CTNNA3: variants seen among roughly 807,000 people sequenced by gnomAD.
The protein encoded by CTNNA3 is catenin alpha 3, also known as catenin alpha-3.
CTNNA3 carries 76 observed loss-of-function variants against 95.7 expected under a neutral mutation model. The ratio of observed to expected loss-of-function variants is 0.79; its 90% CI spans 0.66 to 0.96. CTNNA3 has a LOEUF of 0.96. Among genes scored for constraint, CTNNA3 ranks in the 40% least tolerant of loss-of-function variants. CTNNA3 has a pLI of 0.00. For missense variants in CTNNA3, 1,191 were observed against 1,089.8 expected, an observed-to-expected ratio of 1.09 and a Z score of -1.31; for synonymous variants, 431 against 374.4, an observed-to-expected ratio of 1.15 and a Z score of -1.74.
At chr10:66,090,264 C>G (rs192915899) in intron 14 of CTNNA3, among the ~76,000 whole-genome samples, 1 of 152,078 alleles carries the variant, frequency 6.6e-6, no homozygotes, top group Non-Finnish European at 1.5e-5. Flanking sequence ...CAGGCTGGCT[C>G]TCCCCAGAAA....
At chr10:66,691,107 G>A (rs188069380) in intron 9 of CTNNA3, among the ~76,000 whole-genome samples, 6 of 152,176 alleles carry the variant, frequency 3.9e-5, no homozygotes, top group African/African-American at 1.2e-4. Flanking sequence ...GACAGTGGAC[G>A]CAGGACAGTG....
intron 7 of CTNNA3, among the ~76,000 whole-genome samples, chr10:67,115,419 C>T (rs1385275227): frequency 6.6e-6 from 1 of 151,772 alleles, no homozygotes; most frequent in Non-Finnish European, 1.5e-5. Context: ...AGCACACCAG[C>T]ATGGCACATG....
At chr10:67,084,949 G>C (rs966774274) in intron 7 of CTNNA3, among the ~76,000 whole-genome samples, 1 of 151,820 alleles carries the variant, frequency 6.6e-6, no homozygotes, top group Admixed American at 6.6e-5. Flanking sequence ...TTTGTGCCTT[G>C]TATGTTATAA....
At chr10:66,079,109 A>G (rs2080644986) in intron 14 of CTNNA3, 1 of 152,114 alleles carries the variant, frequency 6.6e-6, no homozygotes, top group Non-Finnish European at 1.5e-5. Context: ...TGCTTATATC[A>G]GGACACCTTC....
At chr10:67,552,702 G>T (rs1329127725) in intron 3 of CTNNA3, among the ~76,000 whole-genome samples, 1 of 151,994 alleles carries the variant, frequency 6.6e-6, no homozygotes, top group Non-Finnish European at 1.5e-5. Context: ...AGTGTGTGTT[G>T]TTCCCGCCTT....
intron 5 of CTNNA3, among the ~76,000 whole-genome samples, chr10:67,370,869 GTT>G (rs58583527): frequency 6.6e-5 from 9 of 136,276 alleles, no homozygotes; most frequent in African/African-American, 8.1e-5. Context: ...AGTTTTTTTT[GTT>G]TTTTTTTTTT....
intron 7 of CTNNA3, among the ~76,000 whole-genome samples, chr10:66,981,869 TC>T (rs1462238889): frequency 1.3e-5 from 2 of 152,158 alleles, no homozygotes; most frequent in Non-Finnish European, 2.9e-5. Context: ...TCTATAATTT[TC>T]CCACTTACTT....
chr10:66,778,214 C>A (rs1840390342), intron 7 of CTNNA3, among the ~76,000 whole-genome samples: 1 of 152,094 alleles, frequency 6.6e-6, no homozygotes, highest in South Asian at 2.1e-4. Flanking sequence ...TTTATTGGAT[C>A]CTTGCTCTAT....
chr10:67,453,131 T>G (rs1053252622), intron 5 of CTNNA3, among the ~76,000 whole-genome samples: 1 of 152,128 alleles, frequency 6.6e-6, no homozygotes, highest in African/African-American at 2.4e-5. Context: ...CCTCCACTGA[T>G]CATCAGCTTG....
Position 67,659,346 on chromosome 10 carries a change from T to C in CTNNA3, c.-5-11828A>G, listed in dbSNP as rs1329317637. ...ACCCTGACAACATACCATTTAGTTA[T>C]TTTATAACATGTCAGTTCATACTAA... On this transcript the variant is annotated intron_variant, in intron 1 of 17. Transcript: ENST00000433211. Among the ~76,000 whole-genome samples the C allele has an allele frequency of 2.0e-5, 3 of 152,330 alleles. No individual in the cohort carries two copies. The East Asian group carries it at 5.8e-4, about 29-fold the overall frequency.
chr10:66,542,555 A>C (rs1467780605), intron 10 of CTNNA3, among the ~76,000 whole-genome samples: 1 of 152,174 alleles, frequency 6.6e-6, no homozygotes, highest in Non-Finnish European at 1.5e-5. Flanking sequence ...AATACAATGC[A>C]GCCATAAAAA....
At chr10:67,124,375 G>T (rs868603771) in intron 7 of CTNNA3, among the ~76,000 whole-genome samples, 9 of 122,774 alleles carry the variant, frequency 7.3e-5, no homozygotes, top group African/African-American at 2.2e-4. Context: ...TGTGTGTGTG[G>T]TCTATAAATG....
intron 7 of CTNNA3, among the ~76,000 whole-genome samples, chr10:66,993,906 C>A (rs950427197): frequency 6.6e-6 from 1 of 152,076 alleles, no homozygotes; most frequent in Admixed American, 6.6e-5. Flanking sequence ...TCTTGTTTCT[C>A]CCAACATTTA....
intron 7 of CTNNA3, among the ~76,000 whole-genome samples, chr10:66,978,960 C>CTTTTTTTTT (rs34112681): frequency 1.2e-5 from 1 of 83,790 alleles, no homozygotes; most frequent in Non-Finnish European, 2.2e-5. Context: ...TACTTATTTC[C>CTTTTTTTTT]TTTTTTTTTT....
chr10:67,304,357 T>C (rs1466721471), intron 5 of CTNNA3, among the ~76,000 whole-genome samples: 2 of 152,232 alleles, frequency 1.3e-5, no homozygotes, highest in Non-Finnish European at 2.9e-5. Flanking sequence ...AATTATAGAC[T>C]GCTTTACCAC....
At chr10:65,937,460 T>G (rs2077359813) in intron 17 of CTNNA3, among the ~76,000 whole-genome samples, 1 of 152,166 alleles carries the variant, frequency 6.6e-6, no homozygotes, top group Admixed American at 6.5e-5. Flanking sequence ...CATGCTTCCA[T>G]GAGTAGATGT....
intron 12 of CTNNA3, among the ~76,000 whole-genome samples, chr10:66,330,137 A>T (rs2092306661): frequency 6.6e-6 from 1 of 151,988 alleles, no homozygotes; most frequent in Non-Finnish European, 1.5e-5. Flanking sequence ...TTACATATGT[A>T]TACTTGTGCC....
intron 3 of CTNNA3, among the ~76,000 whole-genome samples, chr10:67,562,448 C>A (rs1439448373): frequency 6.6e-6 from 1 of 152,154 alleles, no homozygotes; most frequent in Non-Finnish European, 1.5e-5. Context: ...ACCCTTCATG[C>A]TAAAAACTCT....
intron 1 of CTNNA3, among the ~76,000 whole-genome samples, chr10:67,708,721 A>G (rs1012721035): frequency 1.3e-5 from 2 of 152,144 alleles, no homozygotes; most frequent in Non-Finnish European, 1.5e-5. Flanking sequence ...CCTAAATGTC[A>G]TGAAGGAAAT....
Sources: gnomAD v4.1 joint callset for allele counts (sites outside exome capture counted in the v4.1 genomes callset) on GRCh38, gnomAD v4.1.1 for gene constraint, MANE v1.5 for transcripts, NCBI Gene and HGNC (gene_info 2026-07-23, HGNC 2026-07-21) for gene names.